Variants in MACF1 observed in about 807,000 individuals in gnomAD.
MACF1 encodes the protein microtubule-actin cross-linking factor 1.
MACF1 carries 193 observed loss-of-function variants against 854.8 expected under a neutral mutation model. That is an observed-to-expected ratio of 0.23 (90% CI 0.20 to 0.25). The LOEUF is 0.25. Ranked by LOEUF, MACF1 falls within the 10% of genes least tolerant of loss-of-function variation. MACF1 has a pLI of 1.00. For synonymous variants in MACF1, 3,185 were observed against 3,226.7 expected (o/e 0.99, Z 0.44); for missense variants, 7,722 against 8,929.1 (o/e 0.86, Z 5.45).
intron 41 of MACF1, among the ~76,000 whole-genome samples, chr1:39,348,654 A>G (rs1647110365): frequency 1.3e-5 from 2 of 152,182 alleles, no homozygotes; most frequent in African/African-American, 4.8e-5. Flanking sequence ...TTGTAAGTGC[A>G]GGTGACTAAA....
chr1:39,224,471 C>T (rs572489061), intron 1 of MACF1, among the ~76,000 whole-genome samples: 4 of 152,244 alleles, frequency 2.6e-5, no homozygotes, highest in South Asian at 4.1e-4. Flanking sequence ...GTGTCTTCTG[C>T]TACAGAGAGT....
chr1:39,279,672 C>T (rs557676627), intron 6 of MACF1, among the ~76,000 whole-genome samples: 19 of 152,198 alleles, frequency 1.2e-4, no homozygotes, highest in South Asian at 8.3e-4. Context: ...CATGTACCCT[C>T]GGCACTATCT....
intron 71 of MACF1, among the ~76,000 whole-genome samples, chr1:39,438,965 C>T (rs1644042812): frequency 6.6e-6 from 1 of 151,054 alleles, no homozygotes; most frequent in South Asian, 2.1e-4. Flanking sequence ...TGCCTGTTAT[C>T]CTAGCTACTT....
intron 2 of MACF1, among the ~76,000 whole-genome samples, chr1:39,153,984 GT>G (rs1275223915): frequency 6.6e-6 from 1 of 152,166 alleles, no homozygotes; most frequent in Non-Finnish European, 1.5e-5. Flanking sequence ...CATTTTTGCT[GT>G]TTCCTGGGTT....
intron 2 of MACF1, among the ~76,000 whole-genome samples, chr1:39,097,119 C>T (rs996235215): frequency 1.3e-5 from 2 of 151,904 alleles, no homozygotes; most frequent in African/African-American, 4.8e-5. Context: ...TCAGGTGATC[C>T]ACCCGCCTCA....
In MACF1 at chr1:39,452,710, C is replaced by T; in HGVS notation, c.20640C>T (p.His6880=). Residue 6880 remains histidine, a synonymous_variant, in exon 87 of 101, where the codon CAC becomes CAT. Transcript: ENST00000564288. ...CGGAAGTGTTTCGAGACACAGTCCA[C>T]ATGCTGTTGGAGTGGCTTTCTGAAG... ...KQAEVFRDTV[H]MLLEWLSEAE... 1 of 1,613,544 alleles carries T rather than the reference C, an allele frequency of 6.2e-7. No homozygotes were observed. The highest frequency in any genetic ancestry group is 8.5e-7 in the Non-Finnish European group (1 of 1,180,018).
chr1:39,238,197 C>T (rs937141627), intron 2 of MACF1, among the ~76,000 whole-genome samples: 3 of 152,104 alleles, frequency 2.0e-5, no homozygotes, highest in Non-Finnish European at 4.4e-5. Context: ...CTGCTGTCAC[C>T]GCTTCTGAGT....
At chr1:39,349,055 T>A (rs1647121656) in intron 41 of MACF1, among the ~76,000 whole-genome samples, 1 of 152,234 alleles carries the variant, frequency 6.6e-6, no homozygotes, top group Admixed American at 6.5e-5. Context: ...TTTTTCTTTC[T>A]ACTCCAATTC....
chr1:39,119,960 C>T (rs112726017), intron 2 of MACF1, among the ~76,000 whole-genome samples: 18 of 147,306 alleles, frequency 1.2e-4, no homozygotes, highest in South Asian at 2.2e-4. Flanking sequence ...CTCGGCTCAC[C>T]GCAACCTCTG....
chr1:39,387,533 G>T lies in MACF1; in HGVS notation c.14691G>T (p.Arg4897Ser). The change falls in exon 58 of 101, where the codon AGG becomes AGT. Residue 4897 changes from arginine to serine, a missense_variant. Coordinates refer to ENST00000564288, the MANE Select transcript of MACF1 (RefSeq NM_001394062.1). ...AAAAAACTGCAGACAGACAATCCAGGCTCAAGGATTGTATGCAGAAAGCTC... is the reference window on the plus strand; with the variant it reads ...AAAAAACTGCAGACAGACAATCCAGTCTCAAGGATTGTATGCAGAAAGCTC... ...LSKKTADRQSRLKDCMQKAQK... is the reference protein window; with the variant it reads ...LSKKTADRQSSLKDCMQKAQK... 6.2e-7 allele frequency: 1 copy of T among 1,614,102 alleles called. No individual in the cohort carries two copies. Among genetic ancestry groups the T allele is most frequent in the Non-Finnish European group, 8.5e-7 (1 of 1,180,016 alleles).
rs747713056 is a variant in MACF1 at position 39,435,774 on chromosome 1, C to CT, written c.17988+14dup. 2 of 1,608,818 alleles carry CT rather than the reference C, an allele frequency of 1.2e-6. No individual in the cohort carries two copies. Among genetic ancestry groups the CT allele is most frequent in the African/African-American group, 2.7e-5 (2 of 74,794 alleles). On this transcript the variant is annotated intron_variant, in intron 70 of 100. Transcript: ENST00000564288. ...CCAGTCCACACAGGTATGTGTGTGT[C>CT]TGACACTCATAACCTTGAATTGTCT... is the stretch of plus-strand genomic sequence containing the variant.
chr1:39,106,833 A>G (rs1642255163), intron 2 of MACF1, among the ~76,000 whole-genome samples: 1 of 118,272 alleles, frequency 8.5e-6, no homozygotes, highest in Non-Finnish European at 1.6e-5. Flanking sequence ...GTGGCATTGG[A>G]ACTCTGCTTG....
chr1:39,436,613 C>A, intron 70 of MACF1: 1 of 906,748 alleles, frequency 1.1e-6, no homozygotes, highest in Non-Finnish European at 1.8e-6. Flanking sequence ...GTTTATTATG[C>A]CAGTTTCATT....
At chr1:39,136,817 CAG>C (rs773990026) in intron 2 of MACF1, among the ~76,000 whole-genome samples, 4 of 151,894 alleles carry the variant, frequency 2.6e-5, no homozygotes, top group Non-Finnish European at 5.9e-5. Flanking sequence ...TTTAGAGAAA[CAG>C]ATTAAATATG....
chr1:39,304,094 T>C (rs1646114201), intron 23 of MACF1, among the ~76,000 whole-genome samples: 1 of 151,020 alleles, frequency 6.6e-6, no homozygotes, highest in Non-Finnish European at 1.5e-5. Flanking sequence ...TATGTATACA[T>C]GTGCCATGTT....
chr1:39,188,776 G>A (rs1644209873), intron 2 of MACF1, among the ~76,000 whole-genome samples: 1 of 152,134 alleles, frequency 6.6e-6, no homozygotes, highest in African/African-American at 2.4e-5. Context: ...GGCTAATTTT[G>A]TATTTTTAGT....
intron 4 of MACF1, among the ~76,000 whole-genome samples, chr1:39,252,259 T>A (rs1188486583): frequency 2.1e-4 from 32 of 152,080 alleles, no homozygotes; most frequent in Non-Finnish European, 2.9e-5. Context: ...GTTTTCTGAG[T>A]CCAGATTGCA....
In MACF1 at chr1:39,446,227, T is replaced by C. The variant is rs111783222; in HGVS notation, c.19606-1205T>C. Among the ~76,000 whole-genome samples, 942 of 152,088 alleles carry C rather than the reference T, an allele frequency of 6.2e-3. 11 individuals are homozygous for C. The highest frequency in any genetic ancestry group is 8.9e-3 in the Non-Finnish European group (605 of 67,986). ...ATCATTTATTAAATGTGTGTGGTGC[T>C]GTAGTAAGAAAATATAAAGAATATG... On this transcript the variant is annotated intron_variant, in intron 80 of 100. Coordinates refer to ENST00000564288, the MANE Select transcript of MACF1 (RefSeq NM_001394062.1).
intron 2 of MACF1, among the ~76,000 whole-genome samples, chr1:39,092,573 T>G (rs1641832793): frequency 6.6e-6 from 1 of 152,198 alleles, no homozygotes; most frequent in African/African-American, 2.4e-5. Context: ...ATATGCCCTT[T>G]GCAGTTATTC....
Sources: gnomAD v4.1 joint callset for allele counts (sites outside exome capture counted in the v4.1 genomes callset) on GRCh38, gnomAD v4.1.1 for gene constraint, MANE v1.5 for transcripts, NCBI Gene and HGNC (gene_info 2026-07-23, HGNC 2026-07-21) for gene names.